Variants in GASK1A observed in about 807,000 individuals in gnomAD.
The protein encoded by GASK1A is Golgi-associated kinase 1A.
GASK1A carries 40 observed loss-of-function variants against 41.2 expected under a neutral mutation model. That is an observed-to-expected ratio of 0.97 (90% CI 0.75 to 1.27). GASK1A has a LOEUF of 1.27. Among genes scored for constraint, GASK1A ranks in the 50% most tolerant of loss-of-function variants. GASK1A has a pLI of 0.00. For missense variants in GASK1A, 678 were observed against 745.1 expected (o/e 0.91, Z 1.05); for synonymous variants, 316 against 307.1 (o/e 1.03, Z -0.30).
At chr3:43,049,789 G>A (rs561708970) in intron 2 of GASK1A, among the ~76,000 whole-genome samples, 1 of 152,286 alleles carries the variant, frequency 6.6e-6, no homozygotes, top group Non-Finnish European at 1.5e-5. Flanking sequence ...ATTAGTTGGT[G>A]ACTAGAACTG....
At chr3:42,999,644 A>G (rs143924834) in intron 1 of GASK1A, among the ~76,000 whole-genome samples, 51 of 152,346 alleles carry the variant, frequency 3.3e-4, no homozygotes, top group Admixed American at 9.8e-4. Context: ...TGCAGCAGCC[A>G]GTATAGGGGT....
chr3:43,043,981 A>C (rs956647398), intron 2 of GASK1A, among the ~76,000 whole-genome samples: 2 of 152,206 alleles, frequency 1.3e-5, no homozygotes, highest in African/African-American at 4.8e-5. Flanking sequence ...CCAAGCCCTC[A>C]CTGTGAAACA....
At chr3:43,027,703 A>G (rs2125685015) in intron 1 of GASK1A, among the ~76,000 whole-genome samples, 1 of 152,322 alleles carries the variant, frequency 6.6e-6, no homozygotes, top group East Asian at 1.9e-4. Context: ...AAATTTCCTA[A>G]ATATTATAAG....
chr3:43,025,097 G>A (rs1301087552), intron 1 of GASK1A, among the ~76,000 whole-genome samples: 1 of 152,134 alleles, frequency 6.6e-6, no homozygotes, highest in African/African-American at 2.4e-5. Flanking sequence ...GAGCACTTCC[G>A]GCATTTAGGT....
At chr3:42,981,495 G>T (rs2089282785) in intron 1 of GASK1A, among the ~76,000 whole-genome samples, 1 of 152,166 alleles carries the variant, frequency 6.6e-6, no homozygotes, top group Admixed American at 6.5e-5. Context: ...TTTGAGATTG[G>T]ATCTCAATTC....
intron 1 of GASK1A, among the ~76,000 whole-genome samples, chr3:42,988,115 A>G (rs834180): frequency 0.96 from 145,544 of 152,110 alleles, 69,755 homozygotes; most frequent in Middle Eastern, 0.99. Flanking sequence ...TCCTCCAGCC[A>G]GTGTAGACAC....
intron 1 of GASK1A, 51 bp from the exon 2 acceptor site, chr3:43,032,216 A>C: frequency 1.4e-6 from 2 of 1,392,250 alleles, no homozygotes; most frequent in Non-Finnish European, 1.9e-6. Flanking sequence ...TTGTGGGTTG[A>C]GCTGATGTAT....
chr3:43,052,938 A>G (rs1458233354), intron 2 of GASK1A, among the ~76,000 whole-genome samples: 3 of 152,234 alleles, frequency 2.0e-5, no homozygotes, highest in African/African-American at 7.2e-5. Flanking sequence ...GATCCACTCT[A>G]AAATGCTGTG....
chr3:42,992,798 G>A (rs1394361340), intron 1 of GASK1A, among the ~76,000 whole-genome samples: 3 of 152,176 alleles, frequency 2.0e-5, no homozygotes, highest in African/African-American at 4.8e-5. Context: ...TGAATGATTC[G>A]CAAATCGGGC....
At chr3:43,021,822 T>C (rs1032932643) in intron 1 of GASK1A, among the ~76,000 whole-genome samples, 1 of 152,214 alleles carries the variant, frequency 6.6e-6, no homozygotes, top group African/African-American at 2.4e-5. Flanking sequence ...CCCCCTGTTT[T>C]CACTGCTCCT....
chr3:43,019,135 A>T (rs1265196462), intron 1 of GASK1A, among the ~76,000 whole-genome samples: 1 of 152,252 alleles, frequency 6.6e-6, no homozygotes, highest in African/African-American at 2.4e-5. Flanking sequence ...AATCAATGTT[A>T]GTTATCATTC....
chr3:43,027,862 G>GT (rs571489266), intron 1 of GASK1A, among the ~76,000 whole-genome samples: 152 of 152,350 alleles, frequency 1.0e-3, no homozygotes, highest in African/African-American at 3.0e-3. Flanking sequence ...CCAATGGCCT[G>GT]TGACACAGCC....
chr3:43,040,135 A>G (rs1255978253), intron 2 of GASK1A, among the ~76,000 whole-genome samples: 2 of 152,152 alleles, frequency 1.3e-5, no homozygotes, highest in Non-Finnish European at 2.9e-5. Flanking sequence ...TGTTTTTGAT[A>G]TATCTTTGAT....
intron 1 of GASK1A, among the ~76,000 whole-genome samples, chr3:42,981,984 A>T (rs959670098): frequency 6.6e-6 from 1 of 152,180 alleles, no homozygotes; most frequent in African/African-American, 2.4e-5. Context: ...TTGATCCAAG[A>T]TACGTATGAT....
At chr3:43,017,753 CCG>C (rs2089500292) in intron 1 of GASK1A, among the ~76,000 whole-genome samples, 1 of 144,758 alleles carries the variant, frequency 6.9e-6, no homozygotes, top group Non-Finnish European at 1.5e-5. Context: ...CCACAGGGGG[CCG>C]TCTGAAGCCA....
At chr3:43,037,098 A>G (rs1388449501) in intron 2 of GASK1A, 1 of 690,244 alleles carries the variant, frequency 1.4e-6, no homozygotes, top group Non-Finnish European at 2.5e-6. Flanking sequence ...CTGCGATTGC[A>G]CAACACTAAA....
At chr3:43,006,019 T>A (rs72869056) in intron 1 of GASK1A, among the ~76,000 whole-genome samples, 29,629 of 152,110 alleles carry the variant, frequency 0.19, 3,038 homozygotes, top group South Asian at 0.32. Flanking sequence ...TATATTATGA[T>A]CACCTTTCCT....
rs1553615988 is a variant in GASK1A, at chr3:43,040,879, C to CCCA, written c.1290+7328_1290+7329insACC. Among the ~76,000 whole-genome samples, 11 of 121,466 alleles carry CCCA rather than the reference C, an allele frequency of 9.1e-5. 2 individuals carry two copies. Among genetic ancestry groups the CCCA allele is most frequent in the East Asian group, 2.9e-4 (1 of 3,420 alleles). The allele number at this position is 121,466 out of a possible 152,430, so 79.7% of individuals were successfully genotyped here. On this transcript the variant is annotated intron_variant, in intron 2 of 4. Coordinates refer to ENST00000430121, the MANE Select transcript of GASK1A (RefSeq NM_001129908.3). ...GTATATCTCCCAATGCTATCCCTCC[C>CCCA]CCCCGCCACAACAGTCCGCAGAGTG...
intron 1 of GASK1A, among the ~76,000 whole-genome samples, chr3:43,025,107 T>C (rs2089540674): frequency 6.6e-6 from 1 of 152,168 alleles, no homozygotes; most frequent in African/African-American, 2.4e-5. Flanking sequence ...GGCATTTAGG[T>C]GTTCTCTAAG....
Sources: allele counts gnomAD v4.1 joint callset (sites outside exome capture counted in the v4.1 genomes callset), GRCh38; gene constraint gnomAD v4.1.1; transcripts MANE v1.5; gene names NCBI Gene and HGNC (gene_info 2026-07-23, HGNC 2026-07-21).